CRY2: variants seen among roughly 807,000 people sequenced by gnomAD.
CRY2 encodes the protein cryptochrome-2.
CRY2 carries 31 observed loss-of-function variants against 69.5 expected under a neutral mutation model. That is an observed-to-expected ratio of 0.45 (90% CI 0.34 to 0.60). CRY2 has a LOEUF of 0.60. Ranked by LOEUF, CRY2 falls within the 20% of genes least tolerant of loss-of-function variation. CRY2 has a pLI of 0.02. For synonymous variants in CRY2, 303 were observed against 312.2 expected, an observed-to-expected ratio of 0.97 and a Z score of 0.31; for missense variants, 606 against 797.8, an observed-to-expected ratio of 0.76 and a Z score of 2.90.
intron 1 of CRY2, among the ~76,000 whole-genome samples, chr11:45,849,150 T>G (rs1244625629): frequency 6.6e-6 from 1 of 152,240 alleles, no homozygotes; most frequent in Non-Finnish European, 1.5e-5. Context: ...TACTGCCTAC[T>G]CTTTTTTGAT....
chr11:45,859,420 T>G (rs1590764250), intron 3 of CRY2, among the ~76,000 whole-genome samples: 1 of 152,026 alleles, frequency 6.6e-6, no homozygotes, highest in African/African-American at 2.4e-5. Flanking sequence ...ATATTAGCCA[T>G]GCATGGTGGG....
intron 11 of CRY2, among the ~76,000 whole-genome samples, chr11:45,878,920 TAAAAAAAAAAAA>T (rs57461093): frequency 3.2e-4 from 16 of 49,374 alleles, no homozygotes; most frequent in South Asian, 7.9e-4. Context: ...CTCCATCTAT[TAAAAAAAAAAAA>T]AAAAAAAAAA....
At chr11:45,850,435 T>C (rs1029882678) in intron 1 of CRY2, among the ~76,000 whole-genome samples, 12 of 152,204 alleles carry the variant, frequency 7.9e-5, no homozygotes, top group Non-Finnish European at 1.8e-4. Context: ...GTCTAATTAA[T>C]GTTGGCATTC....
At position 45,876,599 on chromosome 11, in the gene CRY2, C is replaced by T. The variant is rs187121977; in HGVS notation, c.*3-4315C>T. Among the ~76,000 whole-genome samples the T allele has an allele frequency of 9.8e-5, 15 of 152,300 alleles. No homozygotes were observed. In the South Asian group the frequency reaches 1.0e-3, roughly 11 times the overall value. The stretch of plus-strand genomic sequence containing the variant: ...TGTTCCATTTGCCCTTCTGCTGGTA[C>T]AGACTGATCTGTGGAGAGAAGCCCC... On this transcript the variant is annotated intron_variant, in intron 11 of 11. Transcript: ENST00000616080.
At position 45,856,098 on chromosome 11, in the gene CRY2, T is replaced by G. The variant is rs375524683; in HGVS notation, c.324+8T>G. ...TTCCCAAGGCTGTTCAAGGTAAGCGTGCAGAGCCCCAGAGAAGACAGTGAG... is the reference window on the plus strand; with the variant it reads ...TTCCCAAGGCTGTTCAAGGTAAGCGGGCAGAGCCCCAGAGAAGACAGTGAG... On this transcript the variant is annotated splice_region_variant and intron_variant, in intron 2 of 11. Coordinates refer to ENST00000616080, the MANE Select transcript of CRY2 (RefSeq NM_021117.5). The G allele has an allele frequency of 7.5e-6, 12 of 1,605,058 alleles. No individual in the cohort carries two copies. In the African/African-American group the frequency reaches 1.2e-4, roughly 16 times the overall value.
intron 1 of CRY2, among the ~76,000 whole-genome samples, chr11:45,848,520 G>A (rs1011330220): frequency 5.2e-4 from 79 of 152,150 alleles, no homozygotes; most frequent in Non-Finnish European, 7.8e-4. Context: ...TAAGGTTAGG[G>A]AGCAGGAAAG....
chr11:45,870,134 C>T lies in CRY2; in HGVS notation c.1276C>T (p.Gln426Ter). 1.2e-6 allele frequency: 2 copies of T among 1,613,894 alleles called. No individual in the cohort carries two copies. The highest frequency in any genetic ancestry group is 1.7e-6 in the Non-Finnish European group (2 of 1,179,932). The change falls in exon 8 of 12, where the codon CAG becomes TAG. Residue 426 changes from glutamine (Q) to a stop codon, truncating the protein, a stop_gained. Coordinates refer to ENST00000616080, the MANE Select transcript of CRY2 (RefSeq NM_021117.5). LOFTEE classifies it high-confidence loss of function. ...WMWLSCSAFF[Q>*]QFFHCYCPVG... Reference sequence around the variant, plus strand: ...GTGGCTGTCCTGCAGTGCTTTCTTCCAGCAGTTCTTCCACTGCTACTGCCC... The same window carrying T: ...GTGGCTGTCCTGCAGTGCTTTCTTCTAGCAGTTCTTCCACTGCTACTGCCC...
chr11:45,862,907 AAC>A (rs2086299857), intron 5 of CRY2, among the ~76,000 whole-genome samples: 2 of 152,166 alleles, frequency 1.3e-5, no homozygotes, highest in Admixed American at 1.3e-4. Context: ...CATGTCCGAG[AAC>A]AGTCAGCTCC....
intron 10 of CRY2, among the ~76,000 whole-genome samples, chr11:45,871,627 C>T (rs551429468): frequency 1.3e-5 from 2 of 152,326 alleles, no homozygotes; most frequent in South Asian, 4.1e-4. Flanking sequence ...TCGCTGCATT[C>T]GGAGCCTCTT....
chr11:45,857,132 G>A (rs929327656), intron 2 of CRY2, among the ~76,000 whole-genome samples: 8 of 151,968 alleles, frequency 5.3e-5, no homozygotes, highest in Non-Finnish European at 8.8e-5. Context: ...TCCCCTCCCC[G>A]TAACCCCACA....
chr11:45,865,393 TCA>T (rs200768777), intron 5 of CRY2, among the ~76,000 whole-genome samples: 18 of 151,902 alleles, frequency 1.2e-4, no homozygotes, highest in African/African-American at 4.4e-4. Flanking sequence ...ATTCATTAAG[TCA>T]CACATGTGTG....
chr11:45,860,830 A>G lies in CRY2; in HGVS notation c.468-18A>G, dbSNP rs2134635971. ...CAGGGCCATGTGGGTAACACTAGCT[A>G]TGCTTTGGGCTCCCCAGGATCATTG... On this transcript the variant is annotated intron_variant, in intron 3 of 11. Coordinates refer to ENST00000616080, the MANE Select transcript of CRY2 (RefSeq NM_021117.5). The G allele has an allele frequency of 1.9e-6, 3 of 1,612,282 alleles. No homozygotes were observed. Among genetic ancestry groups the G allele is most frequent in the Non-Finnish European group, 1.7e-6 (2 of 1,178,544 alleles).
intron 2 of CRY2, chr11:45,858,276 C>T (rs191580026): frequency 6.2e-5 from 10 of 160,338 alleles, no homozygotes; most frequent in Admixed American, 4.1e-4. Flanking sequence ...AGACACTTCA[C>T]ATAGCACAAC....
chr11:45,854,180 A>T (rs910710148), intron 1 of CRY2, among the ~76,000 whole-genome samples: 4 of 152,222 alleles, frequency 2.6e-5, no homozygotes, highest in African/African-American at 7.2e-5. Context: ...AATGCTGGGG[A>T]TGGGTGGAGA....
chr11:45,872,354 A>G (rs1280926392), intron 11 of CRY2, 121 bp downstream of exon 11: 7 of 874,156 alleles, frequency 8.0e-6, no homozygotes, highest in Admixed American at 2.3e-5. Flanking sequence ...GGACCACCCA[A>G]TGCTCAGCCA....
At position 45,870,952 on chromosome 11, in the gene CRY2, ACCTCCTGTGG is replaced by A. The variant is rs761308474; in HGVS notation, c.1642+32_1642+41del. On this transcript the variant is annotated intron_variant, in intron 10 of 11. Coordinates refer to ENST00000616080, the MANE Select transcript of CRY2 (RefSeq NM_021117.5). ...CAGTGCAGGTGAGCAGCAGCAACCA[ACCTCCTGTGG>A]CCTCCTGTGGCCTGTGCCACCACTT... The A allele has an allele frequency of 1.4e-4, 226 of 1,600,206 alleles. No homozygotes were observed. The highest frequency in any genetic ancestry group is 1.1e-3 in the East Asian group (50 of 44,640).
chr11:45,879,231 A>G (rs1590775321), intron 11 of CRY2, among the ~76,000 whole-genome samples: 1 of 140,112 alleles, frequency 7.1e-6, no homozygotes, highest in Non-Finnish European at 1.6e-5. Flanking sequence ...CTCTGTCTCA[A>G]AAAAAAAAAA....
Position 45,869,557 on chromosome 11 carries a change from C to T in CRY2, c.934C>T (p.Arg312Ter), listed in dbSNP as rs1429024008. ...PLSLFGQLLW[R>*]EFFYTAATNN... ...CTCCCTATTTGGGCAACTCCTATGGCGAGAGTTCTTCTACACGGCAGCTAC... is the reference window on the plus strand; with the variant it reads ...CTCCCTATTTGGGCAACTCCTATGGTGAGAGTTCTTCTACACGGCAGCTAC... Residue 312 changes from arginine (R) to a stop codon, truncating the protein, a stop_gained, in exon 7 of 12, where the codon CGA becomes TGA. Coordinates refer to ENST00000616080, the MANE Select transcript of CRY2 (RefSeq NM_021117.5). LOFTEE classifies it high-confidence loss of function. The T allele has an allele frequency of 3.7e-6, 6 of 1,614,184 alleles. No homozygotes were observed. The highest frequency in any genetic ancestry group is 1.7e-5 in the Admixed American group (1 of 60,034).
intron 1 of CRY2, among the ~76,000 whole-genome samples, chr11:45,849,045 C>A (rs964044121): frequency 1.3e-5 from 2 of 152,202 alleles, no homozygotes; most frequent in Non-Finnish European, 2.9e-5. Context: ...CTTTGCCCTG[C>A]ACCAGTCGGA....
Sources: allele counts gnomAD v4.1 joint callset (sites outside exome capture counted in the v4.1 genomes callset), GRCh38; gene constraint gnomAD v4.1.1; transcripts MANE v1.5; gene names NCBI Gene and HGNC (gene_info 2026-07-23, HGNC 2026-07-21).